RIC8B: variants seen among roughly 807,000 people sequenced by gnomAD.
The protein encoded by RIC8B is RIC8 guanine nucleotide exchange factor B.
In RIC8B, 16 loss-of-function variants were observed where a neutral mutation model predicts 57.5. The observed-to-expected ratio is 0.28, with a 90% CI of 0.19 to 0.42. The LOEUF (loss-of-function observed/expected upper bound fraction) is 0.42. Ranked by LOEUF, RIC8B falls within the 10% of genes least tolerant of loss-of-function variation. RIC8B has a pLI of 1.00. For missense variants in RIC8B, 481 were observed against 677.0 expected (o/e 0.71, Z 3.21); for synonymous variants, 216 against 250.8 (o/e 0.86, Z 1.31).
At chr12:106,839,405 C>A (rs2136402945) in intron 4 of RIC8B, among the ~76,000 whole-genome samples, 1 of 152,254 alleles carries the variant, frequency 6.6e-6, no homozygotes, top group African/African-American at 2.4e-5. Context: ...ATGGGTGGAT[C>A]TGGAGGGCAT....
intron 6 of RIC8B, among the ~76,000 whole-genome samples, chr12:106,844,469 T>C (rs1026969135): frequency 3.9e-5 from 6 of 152,144 alleles, no homozygotes; most frequent in African/African-American, 1.2e-4. Flanking sequence ...CAAGAAGGCC[T>C]GTGTGACTAG....
chr12:106,863,633 G>T (rs1036101512), intron 8 of RIC8B, among the ~76,000 whole-genome samples: 1 of 152,058 alleles, frequency 6.6e-6, no homozygotes, highest in Non-Finnish European at 1.5e-5. Flanking sequence ...AATTTGGGCT[G>T]TGATGATGTA....
At chr12:106,834,324 G>T (rs1166658722) in intron 4 of RIC8B, among the ~76,000 whole-genome samples, 2 of 152,124 alleles carry the variant, frequency 1.3e-5, no homozygotes, top group Non-Finnish European at 1.5e-5. Flanking sequence ...TTCAATGTTG[G>T]TGTCTTTGTA....
intron 3 of RIC8B, among the ~76,000 whole-genome samples, chr12:106,824,948 T>TAAA (rs1358774573): frequency 1.3e-5 from 2 of 152,178 alleles, no homozygotes; most frequent in Non-Finnish European, 2.9e-5. Context: ...TTTAGTAGTT[T>TAAA]TTGAGGTAGT....
chr12:106,776,781 A>G (rs1024425622), intron 1 of RIC8B, among the ~76,000 whole-genome samples: 5 of 152,172 alleles, frequency 3.3e-5, no homozygotes, highest in African/African-American at 1.2e-4. Context: ...AAGTGTTTCA[A>G]AAGATTCCCA....
chr12:106,821,416 GTAT>G (rs2045835475), intron 3 of RIC8B, among the ~76,000 whole-genome samples: 1 of 152,146 alleles, frequency 6.6e-6, no homozygotes, highest in Non-Finnish European at 1.5e-5. Flanking sequence ...TTTATCAATT[GTAT>G]GGCCATATGG....
chr12:106,818,867 A>G (rs2045709463), intron 3 of RIC8B, among the ~76,000 whole-genome samples: 1 of 152,006 alleles, frequency 6.6e-6, no homozygotes, highest in Admixed American at 6.6e-5. Flanking sequence ...CCTGGGTTCA[A>G]GTGATTTTCC....
At chr12:106,872,818 T>C (rs184432098) in intron 9 of RIC8B, among the ~76,000 whole-genome samples, 25 of 152,314 alleles carry the variant, frequency 1.6e-4, no homozygotes, top group Non-Finnish European at 1.0e-4. Flanking sequence ...ACATGAGTTT[T>C]TAAAGTTTAA....
chr12:106,880,031 A>G (rs1468487388), intron 9 of RIC8B: 1 of 840,650 alleles, frequency 1.2e-6, no homozygotes, highest in Admixed American at 6.2e-5. Flanking sequence ...TTACCATGAT[A>G]TACATGTATC....
At chr12:106,785,447 A>G (rs894168832) in intron 2 of RIC8B, among the ~76,000 whole-genome samples, 1 of 152,166 alleles carries the variant, frequency 6.6e-6, no homozygotes, top group African/African-American at 2.4e-5. Context: ...TCTCTAAATT[A>G]ATATTTATGC....
At chr12:106,787,077 T>A (rs1054909033) in intron 2 of RIC8B, among the ~76,000 whole-genome samples, 1 of 152,162 alleles carries the variant, frequency 6.6e-6, no homozygotes, top group Non-Finnish European at 1.5e-5. Context: ...TCCAATAGGG[T>A]AGTAGAAAAA....
chr12:106,837,072 C>T lies in RIC8B; in HGVS notation c.837-5517C>T, dbSNP rs114620222. On this transcript the variant is annotated intron_variant, in intron 4 of 9. Transcript: ENST00000392837. ...GCCTTCCCTAACCATCCTATTTAAA[C>T]GTATAACCCGGCCGGGCGCAGTGGC... 3.6e-3 allele frequency among the ~76,000 whole-genome samples: 549 copies of T among 152,300 alleles called. 4 individuals carry two copies. The highest frequency in any genetic ancestry group is 0.013 in the African/African-American group (526 of 41,568).
At chr12:106,774,955 C>T (rs1252626541) in intron 1 of RIC8B, 126 bp downstream of exon 1, 3 of 725,782 alleles carry the variant, frequency 4.1e-6, no homozygotes, top group Middle Eastern at 2.6e-4. Context: ...AAAACGTTTC[C>T]GGCTTGGGCA....
chr12:106,866,960 ATTCAC>A (rs775989863), intron 8 of RIC8B, among the ~76,000 whole-genome samples: 1 of 152,198 alleles, frequency 6.6e-6, no homozygotes, highest in Non-Finnish European at 1.5e-5. Flanking sequence ...AGATTATCCT[ATTCAC>A]TTATGTTACC....
At chr12:106,832,638 C>T (rs1343156615) in intron 4 of RIC8B, among the ~76,000 whole-genome samples, 1 of 151,866 alleles carries the variant, frequency 6.6e-6, no homozygotes, top group East Asian at 1.9e-4. Context: ...ATATACCCAA[C>T]ACCTAGAACA....
intron 7 of RIC8B, among the ~76,000 whole-genome samples, chr12:106,856,366 C>G (rs112078664): frequency 6.6e-6 from 1 of 152,164 alleles, no homozygotes; most frequent in South Asian, 2.1e-4. Flanking sequence ...TCCACAGAGT[C>G]TCTGTGTAGT....
chr12:106,799,684 C>T (rs1336448002), intron 2 of RIC8B, among the ~76,000 whole-genome samples: 1 of 152,166 alleles, frequency 6.6e-6, no homozygotes, highest in Non-Finnish European at 1.5e-5. Context: ...GATCAATTTA[C>T]TCCAGATCCA....
chr12:106,879,591 C>T lies in RIC8B; in HGVS notation c.1572-6313C>T. ...TGGTGTAAATTCCGTATCTCCCATCCCTAGCTCTTTAAGAAATTATTTTTT... is the reference window on the plus strand; with the variant it reads ...TGGTGTAAATTCCGTATCTCCCATCTCTAGCTCTTTAAGAAATTATTTTTT... On this transcript the variant is annotated intron_variant, in intron 9 of 9. Transcript: ENST00000392837. This position sits in a 1 kb window ranked among gnomAD's most constrained non-coding sequence, Gnocchi z 4.9. 7.1e-6 allele frequency: 7 copies of T among 985,146 alleles called. No homozygotes were observed. Among genetic ancestry groups the T allele is most frequent in the Non-Finnish European group, 8.4e-6 (7 of 829,854 alleles). 61.0% of individuals were successfully genotyped at this position (985,146 alleles called of 1,614,324 possible). A position where few individuals can be genotyped will look rare whatever the true frequency, so the allele number is the denominator to read the frequency against.
intron 3 of RIC8B, 75 bp from the exon 4 acceptor site, chr12:106,825,651 G>A: frequency 3.9e-6 from 4 of 1,032,118 alleles, no homozygotes; most frequent in Non-Finnish European, 6.1e-6. Context: ...GTGGGCAAGA[G>A]ATGTAGTAAA....
Sources: allele counts gnomAD v4.1 joint callset (sites outside exome capture counted in the v4.1 genomes callset), GRCh38; gene constraint gnomAD v4.1.1; non-coding constraint Gnocchi (gnomAD v3.1); transcripts MANE v1.5; gene names NCBI Gene and HGNC (gene_info 2026-07-23, HGNC 2026-07-21).